RBPMS: variants seen among roughly 807,000 people sequenced by gnomAD.
The protein encoded by RBPMS is RNA-binding protein with multiple splicing.
Under a neutral mutation model 26.8 loss-of-function variants are expected in RBPMS, and 7 were observed. The observed-to-expected ratio is 0.26, with a 90% CI of 0.15 to 0.49. The LOEUF (loss-of-function observed/expected upper bound fraction) is 0.49. Among genes scored for constraint, RBPMS ranks in the 20% least tolerant of loss-of-function variants. RBPMS has a pLI of 0.98. For missense variants in RBPMS, 186 were observed against 250.0 expected (o/e 0.74, Z 1.73); for synonymous variants, 96 against 93.3 (o/e 1.03, Z -0.17).
intron 5 of RBPMS, among the ~76,000 whole-genome samples, chr8:30,506,001 CTT>C (rs1821036158): frequency 6.6e-6 from 1 of 152,126 alleles, no homozygotes; most frequent in Non-Finnish European, 1.5e-5. Flanking sequence ...GCTGGTGATA[CTT>C]AACTTTACCT....
intron 5 of RBPMS, among the ~76,000 whole-genome samples, chr8:30,529,516 G>T (rs1005344630): frequency 6.7e-6 from 1 of 149,112 alleles, no homozygotes; most frequent in African/African-American, 2.5e-5. Flanking sequence ...AAAAAGAAAA[G>T]ACAAAACAAA....
intron 8 of RBPMS, among the ~76,000 whole-genome samples, chr8:30,566,819 G>T (rs1182235570): frequency 6.6e-6 from 1 of 152,132 alleles, no homozygotes; most frequent in East Asian, 1.9e-4. Flanking sequence ...GCCATTTGAT[G>T]ACTTAGGGAC....
intron 5 of RBPMS, among the ~76,000 whole-genome samples, chr8:30,524,636 C>T (rs1823395187): frequency 6.6e-6 from 1 of 152,102 alleles, no homozygotes; most frequent in Admixed American, 6.5e-5. Flanking sequence ...AAGAAGGGAA[C>T]TAAGCAGTTA....
At chr8:30,453,127 C>T (rs984493541) in intron 1 of RBPMS, among the ~76,000 whole-genome samples, 2 of 152,148 alleles carry the variant, frequency 1.3e-5, no homozygotes, top group African/African-American at 4.8e-5. Flanking sequence ...AGGCAAATTC[C>T]AGGGGCCCAA....
At chr8:30,504,519 T>C in intron 5 of RBPMS, 83 bp downstream of exon 5, 2 of 1,363,638 alleles carry the variant, frequency 1.5e-6, no homozygotes, top group Non-Finnish European at 2.0e-6. Flanking sequence ...CCATGGGACA[T>C]GGAGCTGGCT....
chr8:30,556,076 C>T, intron 6 of RBPMS: 4 of 985,394 alleles, frequency 4.1e-6, no homozygotes, highest in Non-Finnish European at 4.8e-6. Flanking sequence ...AGGAGGCAGC[C>T]GTGGGTGTCT....
intron 6 of RBPMS, among the ~76,000 whole-genome samples, chr8:30,549,882 G>A (rs1209586549): frequency 9.9e-5 from 13 of 131,450 alleles, no homozygotes; most frequent in Admixed American, 1.8e-4. Context: ...GCAGAGTCTC[G>A]CTCTGTCGCC....
chr8:30,529,501 T>G (rs1420876772), intron 5 of RBPMS, among the ~76,000 whole-genome samples: 1 of 147,416 alleles, frequency 6.8e-6, no homozygotes, highest in Non-Finnish European at 1.5e-5. Flanking sequence ...AAACTCCACC[T>G]AAAAAAAAAG....
intron 6 of RBPMS, among the ~76,000 whole-genome samples, chr8:30,550,184 G>T (rs993131614): frequency 5.3e-5 from 8 of 152,316 alleles, no homozygotes; most frequent in African/African-American, 1.7e-4. Context: ...GCTCTGAGCT[G>T]CGCCTTTCAG....
intron 5 of RBPMS, among the ~76,000 whole-genome samples, chr8:30,542,541 GC>G (rs778848003): frequency 1.3e-5 from 2 of 152,222 alleles, no homozygotes; most frequent in Non-Finnish European, 2.9e-5. Flanking sequence ...CCCCCTGAGG[GC>G]TCTGCCATTT....
intron 1 of RBPMS, among the ~76,000 whole-genome samples, chr8:30,388,885 G>A (rs1807446581): frequency 6.6e-6 from 1 of 152,154 alleles, no homozygotes; most frequent in Non-Finnish European, 1.5e-5. Flanking sequence ...AAACGTGGAA[G>A]TGTTGGAATA....
At chr8:30,438,373 G>A (rs1280966642) in intron 1 of RBPMS, among the ~76,000 whole-genome samples, 1 of 152,210 alleles carries the variant, frequency 6.6e-6, no homozygotes, top group East Asian at 1.9e-4. Context: ...GACCGTAAGT[G>A]GAACCAGGAA....
chr8:30,413,833 G>T, intron 1 of RBPMS, among the ~76,000 whole-genome samples: 1 of 152,116 alleles, frequency 6.6e-6, no homozygotes, highest in East Asian at 1.9e-4. Flanking sequence ...GGCTGGTGTC[G>T]ATCTCTTGAC....
intron 1 of RBPMS, among the ~76,000 whole-genome samples, chr8:30,418,096 A>G (rs541084445): frequency 6.6e-6 from 1 of 152,324 alleles, no homozygotes; most frequent in East Asian, 1.9e-4. Context: ...CTTGTTTAAT[A>G]TTGAGATTCC....
chr8:30,547,426 T>A, intron 6 of RBPMS: 1 of 1,589,424 alleles, frequency 6.3e-7, no homozygotes, highest in Non-Finnish European at 8.5e-7. Flanking sequence ...CATGTTGAAT[T>A]TGTTTGTTAG....
intron 1 of RBPMS, among the ~76,000 whole-genome samples, chr8:30,468,998 A>G (rs1418092912): frequency 1.3e-5 from 2 of 152,242 alleles, no homozygotes; most frequent in African/African-American, 4.8e-5. Context: ...AGCCCAGCTC[A>G]GAGCAGCTAG....
chr8:30,544,850 C>G, intron 6 of RBPMS: 3 of 1,520,528 alleles, frequency 2.0e-6, no homozygotes, highest in Non-Finnish European at 1.8e-6. Context: ...AATGACACCT[C>G]TCTCTTCCTT....
chr8:30,571,547 TG>T lies in RBPMS; in HGVS notation c.*1023del, dbSNP rs1356442259. 1 of 152,288 alleles carries T rather than the reference TG, an allele frequency of 6.6e-6. No homozygotes were observed. Among genetic ancestry groups the T allele is most frequent in the Admixed American group, 6.5e-5 (1 of 15,290 alleles). The allele number at this position is 152,288 out of a possible 1,614,324, so 9.4% of individuals were successfully genotyped here. A position where few individuals can be genotyped will look rare whatever the true frequency, so the allele number is the denominator to read the frequency against. On this transcript the variant is annotated 3_prime_UTR_variant, in exon 9 of 9. Coordinates refer to ENST00000397323, the MANE Select transcript of RBPMS (RefSeq NM_001008710.3). ...CTGGCTGCAGTGGGCAGCTCATGTC[TG>T]TATCTCCAAAGTGATGTTTGTTTGC...
intron 6 of RBPMS, among the ~76,000 whole-genome samples, chr8:30,550,188 C>T (rs1457847789): frequency 6.6e-6 from 1 of 152,194 alleles, no homozygotes; most frequent in Admixed American, 6.5e-5. Context: ...TGAGCTGCGC[C>T]TTTCAGGAGA....
Sources: allele counts gnomAD v4.1 joint callset (sites outside exome capture counted in the v4.1 genomes callset), GRCh38; gene constraint gnomAD v4.1.1; transcripts MANE v1.5; gene names NCBI Gene and HGNC (gene_info 2026-07-23, HGNC 2026-07-21).